The following MAPKAP1 variants were observed in gnomAD, a reference collection of about 807,000 sequenced individuals.
MAPKAP1 encodes MAPK associated protein 1, also known as target of rapamycin complex 2 subunit MAPKAP1.
In MAPKAP1, 20 loss-of-function variants were observed where a neutral mutation model predicts 65.7. The observed-to-expected ratio is 0.30, with a 90% CI of 0.21 to 0.44. The LOEUF (loss-of-function observed/expected upper bound fraction) is 0.44. Among genes scored for constraint, MAPKAP1 ranks in the 20% least tolerant of loss-of-function variants. MAPKAP1 has a pLI of 1.00. For missense variants in MAPKAP1, 423 were observed against 648.0 expected, an observed-to-expected ratio of 0.65 and a Z score of 3.77; for synonymous variants, 222 against 244.3, an observed-to-expected ratio of 0.91 and a Z score of 0.85.
At chr9:125,469,279 T>A (rs967905602) in intron 9 of MAPKAP1, among the ~76,000 whole-genome samples, 9 of 152,128 alleles carry the variant, frequency 5.9e-5, no homozygotes, top group Admixed American at 5.9e-4. Flanking sequence ...CACACTCAAA[T>A]TTTTGAACAA....
At chr9:125,571,800 T>C (rs1343320833) in intron 5 of MAPKAP1, among the ~76,000 whole-genome samples, 5 of 152,158 alleles carry the variant, frequency 3.3e-5, no homozygotes, top group African/African-American at 9.7e-5. Context: ...GAGGCAGAGA[T>C]TGCAGTGAGC....
intron 4 of MAPKAP1, among the ~76,000 whole-genome samples, chr9:125,628,630 G>A (rs1833181688): frequency 6.6e-6 from 1 of 152,116 alleles, no homozygotes; most frequent in African/African-American, 2.4e-5. Flanking sequence ...AAGAAATCAA[G>A]GGAGAAAACT....
At chr9:125,565,014 GT>G in intron 5 of MAPKAP1, among the ~76,000 whole-genome samples, 1 of 152,288 alleles carries the variant, frequency 6.6e-6, no homozygotes, top group South Asian at 2.1e-4. Flanking sequence ...AGAATTGGAA[GT>G]TTGAACAACG....
chr9:125,561,401 C>T (rs910932399), intron 5 of MAPKAP1, among the ~76,000 whole-genome samples: 1 of 152,172 alleles, frequency 6.6e-6, no homozygotes, highest in Non-Finnish European at 1.5e-5. Flanking sequence ...TTAATGGAAA[C>T]TGTAAATTTG....
intron 5 of MAPKAP1, among the ~76,000 whole-genome samples, chr9:125,575,640 T>C (rs1831371143): frequency 6.6e-6 from 1 of 152,182 alleles, no homozygotes; most frequent in Non-Finnish European, 1.5e-5. Flanking sequence ...AATTACAAAT[T>C]AAAACAACGA....
Position 125,696,620 on chromosome 9 carries a change from CAAAA to C in MAPKAP1, c.-70+10347_-70+10350del, listed in dbSNP as rs1441057310. On this transcript the variant is annotated intron_variant, in intron 1 of 11. Transcript: ENST00000265960. Reference sequence around the variant, plus strand: ...ATAAATGCATATATGAAAAAAAAAACAAAAAACCTTAAGCTTATCTAGTCAGAAG... The same window carrying C: ...ATAAATGCATATATGAAAAAAAAAACAACCTTAAGCTTATCTAGTCAGAAG... Among the ~76,000 whole-genome samples the C allele has an allele frequency of 2.0e-5, 3 of 149,964 alleles. No individual in the cohort carries two copies. The East Asian group carries it at 6.0e-4, about 30-fold the overall frequency.
intron 4 of MAPKAP1, among the ~76,000 whole-genome samples, chr9:125,629,390 G>A (rs777610233): frequency 3.3e-5 from 5 of 152,190 alleles, no homozygotes; most frequent in Non-Finnish European, 5.9e-5. Context: ...AGAATGTGGT[G>A]TGTATATACA....
At chr9:125,627,092 T>G (rs1833139538) in intron 4 of MAPKAP1, among the ~76,000 whole-genome samples, 1 of 152,172 alleles carries the variant, frequency 6.6e-6, no homozygotes, top group Non-Finnish European at 1.5e-5. Flanking sequence ...AAACTGTAGG[T>G]GCAATTCATA....
intron 8 of MAPKAP1, among the ~76,000 whole-genome samples, chr9:125,503,819 C>A (rs566590754): frequency 6.8e-6 from 1 of 147,118 alleles, no homozygotes; most frequent in East Asian, 2.0e-4. Flanking sequence ...CAGGCCCAAG[C>A]GATTCTCGTG....
chr9:125,576,278 C>A (rs887069600), intron 5 of MAPKAP1, among the ~76,000 whole-genome samples: 5 of 152,178 alleles, frequency 3.3e-5, no homozygotes, highest in Admixed American at 2.0e-4. Context: ...TAATGTATAA[C>A]TGCTGGCTTT....
At chr9:125,625,385 A>C (rs1833087408) in intron 4 of MAPKAP1, among the ~76,000 whole-genome samples, 1 of 152,020 alleles carries the variant, frequency 6.6e-6, no homozygotes, top group Non-Finnish European at 1.5e-5. Context: ...CCACGCCATG[A>C]AACTACACAA....
At chr9:125,677,424 A>C (rs1834680502) in intron 1 of MAPKAP1, among the ~76,000 whole-genome samples, 1 of 151,916 alleles carries the variant, frequency 6.6e-6, no homozygotes, top group Admixed American at 6.6e-5. Flanking sequence ...GGCCCGGTAC[A>C]GTCACTTATG....
chr9:125,550,722 C>T (rs2133191462), intron 6 of MAPKAP1, among the ~76,000 whole-genome samples: 1 of 152,302 alleles, frequency 6.6e-6, no homozygotes, highest in South Asian at 2.1e-4. Flanking sequence ...GAAATCAAGT[C>T]AGATTTACAA....
chr9:125,667,151 G>C (rs1834362207), intron 3 of MAPKAP1, among the ~76,000 whole-genome samples: 1 of 152,190 alleles, frequency 6.6e-6, no homozygotes, highest in Admixed American at 6.5e-5. Context: ...TATTTCTCCA[G>C]CATATTCTGT....
chr9:125,505,555 G>A (rs1380733521), intron 8 of MAPKAP1, among the ~76,000 whole-genome samples: 2 of 152,224 alleles, frequency 1.3e-5, no homozygotes, highest in Non-Finnish European at 2.9e-5. Context: ...AGAATATAAC[G>A]AGGGACTCAA....
At chr9:125,632,165 T>C (rs930655141) in intron 4 of MAPKAP1, among the ~76,000 whole-genome samples, 2 of 147,498 alleles carry the variant, frequency 1.4e-5, no homozygotes, top group Admixed American at 1.4e-4. Flanking sequence ...GAGCCTGCAG[T>C]GAGCTGAGAT....
chr9:125,586,377 C>T (rs563350465), intron 4 of MAPKAP1, among the ~76,000 whole-genome samples: 69 of 152,310 alleles, frequency 4.5e-4, no homozygotes, highest in African/African-American at 1.6e-3. Flanking sequence ...AGCTGCTGCG[C>T]TAATCAGCAA....
At chr9:125,528,103 C>T (rs1023003908) in intron 7 of MAPKAP1, among the ~76,000 whole-genome samples, 1 of 152,220 alleles carries the variant, frequency 6.6e-6, no homozygotes, top group Admixed American at 6.5e-5. Flanking sequence ...GAACCTACCT[C>T]TCCAAAAGGA....
At chr9:125,441,745 G>A (rs1461266258) in intron 11 of MAPKAP1, among the ~76,000 whole-genome samples, 9 of 152,152 alleles carry the variant, frequency 5.9e-5, no homozygotes, top group African/African-American at 1.4e-4. Context: ...CTGGGCTTCC[G>A]TTGCTTGGTA....
Sources: gnomAD v4.1 joint callset for allele counts (sites outside exome capture counted in the v4.1 genomes callset) on GRCh38, gnomAD v4.1.1 for gene constraint, MANE v1.5 for transcripts, NCBI Gene and HGNC (gene_info 2026-07-23, HGNC 2026-07-21) for gene names.